The following SLC9A9 variants were observed in gnomAD, a reference collection of about 807,000 sequenced individuals.
The protein encoded by SLC9A9 is solute carrier family 9 member A9.
SLC9A9 carries 62 observed loss-of-function variants against 77.8 expected under a neutral mutation model. That is an observed-to-expected ratio of 0.80 (90% confidence interval 0.65 to 0.98). The LOEUF (loss-of-function observed/expected upper bound fraction) is 0.98, where lower values mean the gene tolerates loss of function less well. SLC9A9 is among the 50% of genes least tolerant of loss of function. The probability of loss-of-function intolerance (pLI) is 0.00; values close to 1 mark genes in which losing one functional copy is unlikely to be tolerated. For synonymous variants in SLC9A9, 320 were observed against 283.5 expected, an observed-to-expected ratio of 1.13 and a Z score of -1.29; for missense variants, 775 against 774.9, an observed-to-expected ratio of 1.00 and a Z score of 0.00.
chr3:143,308,219 G>A (rs2030877890), intron 14 of SLC9A9, among the ~76,000 whole-genome samples: 1 of 152,188 alleles, frequency 6.6e-6, no homozygotes, highest in African/African-American at 2.4e-5. Context: ...AAATGGAGAT[G>A]AGAATCAGCT....
intron 14 of SLC9A9, among the ~76,000 whole-genome samples, chr3:143,281,146 C>G (rs1185527232): frequency 6.6e-6 from 1 of 152,224 alleles, no homozygotes; most frequent in Non-Finnish European, 1.5e-5. Context: ...GGCTGACCCT[C>G]TCCCTGTTAC....
intron 4 of SLC9A9, among the ~76,000 whole-genome samples, chr3:143,755,572 A>G (rs1246252279): frequency 3.9e-5 from 6 of 152,330 alleles, no homozygotes; most frequent in East Asian, 1.9e-4. Context: ...AAGACATTCC[A>G]TAGATATTTA....
chr3:143,663,688 G>T (rs775457524), intron 5 of SLC9A9, among the ~76,000 whole-genome samples: 1 of 152,146 alleles, frequency 6.6e-6, no homozygotes, highest in South Asian at 2.1e-4. Context: ...TTCAGTAGCC[G>T]ATTCCATCAA....
intron 5 of SLC9A9, among the ~76,000 whole-genome samples, chr3:143,664,830 T>C (rs2039037066): frequency 1.3e-5 from 2 of 152,182 alleles, no homozygotes; most frequent in Admixed American, 6.5e-5. Context: ...CCCAGCTTCA[T>C]AAAGCAAGTC....
At position 143,365,106 on chromosome 3, in the gene SLC9A9, A is replaced by T. The variant is rs1450398550; in HGVS notation, c.1525-1543T>A. On this transcript the variant is annotated intron_variant, in intron 13 of 15. Transcript: ENST00000316549. The stretch of plus-strand genomic sequence containing the variant: ...GAATAATATGCACTCATAAAAAGGA[A>T]TGAGATTATGTCTTTTGCAGGAACA... 4.6e-5 allele frequency among the ~76,000 whole-genome samples: 7 copies of T among 152,344 alleles called. No homozygotes were observed. In the Middle Eastern group the frequency reaches 0.01, roughly 222 times the overall value.
At chr3:143,479,671 G>T (rs1212735918) in intron 11 of SLC9A9, among the ~76,000 whole-genome samples, 1 of 152,098 alleles carries the variant, frequency 6.6e-6, no homozygotes, top group East Asian at 1.9e-4. Context: ...ATGGGCCTTT[G>T]TCTTTTACAG....
chr3:143,275,389 C>T (rs1338670922), intron 14 of SLC9A9, among the ~76,000 whole-genome samples: 1 of 152,124 alleles, frequency 6.6e-6, no homozygotes, highest in African/African-American at 2.4e-5. Flanking sequence ...ACATTGTGTG[C>T]TCTTTCAATG....
chr3:143,655,562 T>C, intron 5 of SLC9A9: 1 of 985,400 alleles, frequency 1.0e-6, no homozygotes, highest in African/African-American at 1.7e-5. Context: ...CCTTCTCCTC[T>C]ACATACCCTC....
At position 143,322,669 on chromosome 3, in the gene SLC9A9, A is replaced by AT. The variant is rs200665981; in HGVS notation, c.1604+40814dup. ...TAGTTCTTCCTCAGTGGTTCTTGGCATTTTTTTGTGTATGTGTTCAAACCA... is the reference window on the plus strand; with the variant it reads ...TAGTTCTTCCTCAGTGGTTCTTGGCATTTTTTTTGTGTATGTGTTCAAACCA... On this transcript the variant is annotated intron_variant, in intron 14 of 15. Transcript: ENST00000316549. Among the ~76,000 whole-genome samples the AT allele has an allele frequency of 3.8e-3, 579 of 152,242 alleles. 18 individuals are homozygous for AT. The highest frequency in any genetic ancestry group is 0.033 in the Admixed American group (504 of 15,292).
chr3:143,751,308 G>C (rs1255662431), intron 4 of SLC9A9, among the ~76,000 whole-genome samples: 1 of 152,190 alleles, frequency 6.6e-6, no homozygotes, highest in Non-Finnish European at 1.5e-5. Context: ...GTTGGTGGTG[G>C]ATGATATGAT....
In SLC9A9 at chr3:143,832,211, C is replaced by T. The variant is rs754577430; in HGVS notation, c.186G>A (p.Met62Ile). 1.2e-6 allele frequency: 2 copies of T among 1,610,670 alleles called. No individual in the cohort carries two copies. The highest frequency in any genetic ancestry group is 3.3e-5 in the Admixed American group (2 of 59,860). ...CTGTAGCATATCGTAAAATTAGTCCCATTATAAGGCCTAAAAAAAAAAGAA... is the reference window on the plus strand; with the variant it reads ...CTGTAGCATATCGTAAAATTAGTCCTATTATAAGGCCTAAAAAAAAAAGAA... ...TGGAMVYGLI[M>I]GLILRYATAP... is the part of the protein sequence containing the mutation. The change falls in exon 2 of 16, where the codon ATG (methionine) becomes ATA (isoleucine). Residue 62 changes from methionine (M) to isoleucine (I), a missense_variant. Physicochemically the swap from Met to Ile is conservative, Grantham distance 10. Coordinates refer to ENST00000316549, the MANE Select transcript of SLC9A9 (RefSeq NM_173653.4).
chr3:143,648,369 T>C (rs926055553), intron 6 of SLC9A9, among the ~76,000 whole-genome samples: 4 of 152,106 alleles, frequency 2.6e-5, no homozygotes, highest in Non-Finnish European at 2.9e-5. Context: ...TAGACGCTCA[T>C]AGGGAGTGCG....
At chr3:143,682,873 A>T (rs1448131496) in intron 5 of SLC9A9, among the ~76,000 whole-genome samples, 1 of 152,150 alleles carries the variant, frequency 6.6e-6, no homozygotes, top group East Asian at 1.9e-4. Context: ...TCAGAGACCC[A>T]TGTGATTAAA....
intron 12 of SLC9A9, among the ~76,000 whole-genome samples, chr3:143,415,898 G>A (rs1018590543): frequency 7.9e-5 from 12 of 152,186 alleles, no homozygotes; most frequent in Admixed American, 3.9e-4. Flanking sequence ...GCAGCATTCT[G>A]AATGCCATTA....
intron 5 of SLC9A9, among the ~76,000 whole-genome samples, chr3:143,681,604 G>C (rs1281605209): frequency 2.0e-5 from 3 of 152,182 alleles, no homozygotes; most frequent in African/African-American, 7.2e-5. Context: ...AACTAACGTT[G>C]CTGAGTTCTT....
intron 5 of SLC9A9, among the ~76,000 whole-genome samples, chr3:143,689,337 T>C (rs1479987103): frequency 6.6e-6 from 1 of 152,178 alleles, no homozygotes; most frequent in East Asian, 1.9e-4. Flanking sequence ...TTTCTATCAA[T>C]AGAAGACTGA....
intron 6 of SLC9A9, among the ~76,000 whole-genome samples, chr3:143,635,298 A>C (rs547811395): frequency 6.6e-6 from 1 of 152,186 alleles, no homozygotes; most frequent in African/African-American, 2.4e-5. Flanking sequence ...AGGAGGTGGA[A>C]GCTGCTAGTT....
chr3:143,632,367 T>C (rs2038442381), intron 6 of SLC9A9, among the ~76,000 whole-genome samples: 1 of 152,128 alleles, frequency 6.6e-6, no homozygotes, highest in Non-Finnish European at 1.5e-5. Context: ...GGAGAGTTTA[T>C]AGCAATTAAG....
intron 5 of SLC9A9, among the ~76,000 whole-genome samples, chr3:143,683,759 G>A (rs73868082): frequency 4.0e-4 from 61 of 152,118 alleles, no homozygotes; most frequent in African/African-American, 1.4e-3. Flanking sequence ...AAGTATATTT[G>A]TGTTTTATTC....
Sources: gnomAD v4.1 joint callset for allele counts (sites outside exome capture counted in the v4.1 genomes callset) on GRCh38, gnomAD v4.1.1 for gene constraint, MANE v1.5 for transcripts, NCBI Gene and HGNC (gene_info 2026-07-23, HGNC 2026-07-21) for gene names.